The following NRXN1 variants were observed in gnomAD, a reference collection of about 807,000 sequenced individuals.
The protein encoded by NRXN1 is neurexin 1, also known as neurexin-1.
Under a neutral mutation model 150.9 loss-of-function variants are expected in NRXN1, and 39 were observed. The ratio of observed to expected loss-of-function variants is 0.26; its 90% CI spans 0.20 to 0.34. The LOEUF (loss-of-function observed/expected upper bound fraction) is 0.34, where lower values mean the gene tolerates loss of function less well. Among genes scored for constraint, NRXN1 ranks in the 10% least tolerant of loss-of-function variants. NRXN1 has a pLI of 1.00. For missense variants in NRXN1, 1,815 were observed against 1,949.9 expected (o/e 0.93, Z 1.30); for synonymous variants, 924 against 757.0 (o/e 1.22, Z -3.62).
intron 17 of NRXN1, among the ~76,000 whole-genome samples, chr2:50,366,316 G>A (rs2079580606): frequency 6.6e-6 from 1 of 151,828 alleles, no homozygotes; most frequent in Non-Finnish European, 1.5e-5. Flanking sequence ...GAATTACTAG[G>A]TAGTATCTAT....
intron 5 of NRXN1, among the ~76,000 whole-genome samples, chr2:50,897,756 T>C (rs1024131979): frequency 6.6e-6 from 1 of 152,096 alleles, no homozygotes; most frequent in African/African-American, 2.4e-5. Context: ...CAAGGGAAGG[T>C]GTGAGAATGG....
At chr2:50,701,290 TA>T in intron 5 of NRXN1, among the ~76,000 whole-genome samples, 1 of 152,182 alleles carries the variant, frequency 6.6e-6, no homozygotes, top group African/African-American at 2.4e-5. Flanking sequence ...CTAAAACAAC[TA>T]TTGTCATTAT....
At chr2:50,012,343 T>C (rs1685835439) in intron 21 of NRXN1, among the ~76,000 whole-genome samples, 1 of 152,164 alleles carries the variant, frequency 6.6e-6, no homozygotes, top group Non-Finnish European at 1.5e-5. Context: ...ATATTTGTAG[T>C]AGTGTATAGA....
At chr2:50,254,292 G>C (rs1026197531) in intron 17 of NRXN1, among the ~76,000 whole-genome samples, 3 of 134,936 alleles carry the variant, frequency 2.2e-5, no homozygotes, top group Non-Finnish European at 4.8e-5. Flanking sequence ...GTGTCAATTT[G>C]ATTATTTTCT....
chr2:51,027,889 A>G lies in NRXN1; in HGVS notation c.385T>C (p.Phe129Leu), dbSNP rs1670825263. Reference protein sequence around the residue: ...IRRQFRNTTLFIDQVEAKWVE... With the variant: ...IRRQFRNTTLLIDQVEAKWVE... ...CACTTGGCCTCCACCTGGTCGATGAAGAGCGTGGTGTTGCGGAACTGGCGG... is the reference window on the plus strand; with the variant it reads ...CACTTGGCCTCCACCTGGTCGATGAGGAGCGTGGTGTTGCGGAACTGGCGG... Residue 129 changes from phenylalanine to leucine, a missense_variant, in exon 2 of 23, where the codon TTC becomes CTC. Around this residue, in one of 6 missense-constraint regions of NRXN1, gnomAD observed 554 missense variants for 478.8 expected, o/e 1.16. Coordinates refer to ENST00000401669, the MANE Select transcript of NRXN1 (RefSeq NM_001330078.2). 6.2e-7 allele frequency: 1 copy of G among 1,611,854 alleles called. No homozygotes were observed. Among genetic ancestry groups the G allele is most frequent in the African/African-American group, 1.3e-5 (1 of 75,044 alleles).
chr2:51,000,202 C>T (rs1469114405), intron 2 of NRXN1, among the ~76,000 whole-genome samples: 1 of 151,966 alleles, frequency 6.6e-6, no homozygotes, highest in African/African-American at 2.4e-5. Context: ...GTTGTGTTTG[C>T]TCAAATGTCA....
chr2:50,620,215 T>C, intron 7 of NRXN1, 32 bp from the exon 8 acceptor site: 1 of 1,609,492 alleles, frequency 6.2e-7, no homozygotes, highest in Non-Finnish European at 8.5e-7. Context: ...AAGGACACGC[T>C]ATACTCAGAC....
chr2:51,004,116 C>T (rs943562944), intron 2 of NRXN1, among the ~76,000 whole-genome samples: 2 of 151,432 alleles, frequency 1.3e-5, no homozygotes, highest in South Asian at 2.1e-4. Flanking sequence ...TCCAGGTTTC[C>T]GGAGGTGAAC....
intron 5 of NRXN1, among the ~76,000 whole-genome samples, chr2:50,876,566 T>A (rs1365073850): frequency 6.6e-6 from 1 of 151,854 alleles, no homozygotes; most frequent in Non-Finnish European, 1.5e-5. Context: ...ATGTATATTA[T>A]AATGCATAAT....
intron 17 of NRXN1, among the ~76,000 whole-genome samples, chr2:50,289,265 C>A (rs2072596289): frequency 6.6e-6 from 1 of 152,100 alleles, no homozygotes; most frequent in African/African-American, 2.4e-5. Context: ...TGAAATTTTA[C>A]ACCATAGATA....
chr2:50,703,499 A>G (rs561063119), intron 5 of NRXN1, among the ~76,000 whole-genome samples: 1 of 152,244 alleles, frequency 6.6e-6, no homozygotes. Flanking sequence ...CATCTTCTAC[A>G]AGGCTTGTTC....
intron 22 of NRXN1, among the ~76,000 whole-genome samples, chr2:49,927,864 T>C (rs999976098): frequency 7.2e-5 from 11 of 152,154 alleles, no homozygotes; most frequent in African/African-American, 2.7e-4. Flanking sequence ...TCCACTGTAA[T>C]CTTATATATA....
intron 17 of NRXN1, among the ~76,000 whole-genome samples, chr2:50,437,182 T>G (rs903766637): frequency 6.6e-6 from 1 of 152,214 alleles, no homozygotes; most frequent in African/African-American, 2.4e-5. Context: ...AGTGAAGTAT[T>G]CCTTGCTAAA....
At chr2:50,583,822 A>T (rs1291561875) in intron 8 of NRXN1, among the ~76,000 whole-genome samples, 1 of 152,212 alleles carries the variant, frequency 6.6e-6, no homozygotes, top group Non-Finnish European at 1.5e-5. Flanking sequence ...CCTCTGGCAC[A>T]TGCAAAAAGT....
chr2:50,183,703 T>G lies in NRXN1; in HGVS notation c.3546+53086A>C, dbSNP rs1001834070. On this transcript the variant is annotated intron_variant, in intron 18 of 22. Transcript: ENST00000401669. ...GCATCTAGTGTGCAAAGACCAGGGA[T>G]GCTGCTAAACATTCAATAAAATGCA... Among the ~76,000 whole-genome samples, 7 of 150,100 alleles carry G rather than the reference T, an allele frequency of 4.7e-5. 1 individual carries two copies. The East Asian group carries it at 1.4e-3, about 29-fold the overall frequency.
chr2:50,614,464 C>G lies in NRXN1; in HGVS notation c.1320+5558G>C, dbSNP rs538388382. 4.0e-5 allele frequency among the ~76,000 whole-genome samples: 6 copies of G among 151,870 alleles called. No individual in the cohort carries two copies. In the East Asian group the frequency reaches 1.2e-3, roughly 30 times the overall value. ...TAAATGACAGATACTCTATTCCTCT[C>G]TGAGCAAACAGGAAAATAAGCAAAA... On this transcript the variant is annotated intron_variant, in intron 8 of 22. Coordinates refer to ENST00000401669, the MANE Select transcript of NRXN1 (RefSeq NM_001330078.2).
At chr2:50,714,466 C>T (rs1695600881) in intron 5 of NRXN1, among the ~76,000 whole-genome samples, 2 of 152,136 alleles carry the variant, frequency 1.3e-5, no homozygotes, top group East Asian at 3.9e-4. Context: ...TTTTCTGCTA[C>T]TCAGTTCATC....
intron 18 of NRXN1, among the ~76,000 whole-genome samples, chr2:50,191,208 T>G (rs2061422363): frequency 7.2e-6 from 1 of 137,996 alleles, no homozygotes; most frequent in South Asian, 2.4e-4. Flanking sequence ...GTTTTTTGTT[T>G]TTTTTTTTTT....
intron 5 of NRXN1, among the ~76,000 whole-genome samples, chr2:50,807,385 G>C (rs982306069): frequency 2.0e-4 from 30 of 151,978 alleles, no homozygotes; most frequent in African/African-American, 6.3e-4. Context: ...AGCTTCAAGT[G>C]TTCTATCTCA....
Sources: gnomAD v4.1 joint callset for allele counts (sites outside exome capture counted in the v4.1 genomes callset) on GRCh38, gnomAD v4.1.1 for gene constraint, gnomAD v4.1.1 regional missense constraint, MANE v1.5 for transcripts, NCBI Gene and HGNC (gene_info 2026-07-23, HGNC 2026-07-21) for gene names.